Variants in SERPINB8 observed in about 807,000 individuals in gnomAD.
SERPINB8 encodes serpin B8.
In SERPINB8, 25 loss-of-function variants were observed where a neutral mutation model predicts 35.3. The ratio of observed to expected loss-of-function variants is 0.71; its 90% CI spans 0.52 to 0.99. The LOEUF (loss-of-function observed/expected upper bound fraction) is 0.99, where lower values mean the gene tolerates loss of function less well. Among genes scored for constraint, SERPINB8 ranks in the 50% least tolerant of loss-of-function variants. SERPINB8 has a pLI of 0.00. For missense variants in SERPINB8, 484 were observed against 446.5 expected (o/e 1.08, Z -0.76); for synonymous variants, 186 against 160.8 (o/e 1.16, Z -1.19).
downstream of SERPINB8, among the ~76,000 whole-genome samples, chr18:63,989,956 A>C (rs1288098740): frequency 3.4e-5 from 5 of 149,216 alleles, no homozygotes; most frequent in Non-Finnish European, 5.9e-5. Flanking sequence ...AAAAAAAAAA[A>C]AAAAAAAAAA....
rs190240548 is a variant in SERPINB8 at position 63,995,611 on chromosome 18, G to A, written c.71-9208G>A. ...CCCTCAATCCCTGATGGAAATTGCT[G>A]CACTTAGGGTCATCTTAGTGGGACA... is the stretch of plus-strand genomic sequence containing the variant. On this transcript the variant is annotated intron_variant, in intron 1 of 1. Transcript: ENST00000493661. 2.4e-4 allele frequency among the ~76,000 whole-genome samples: 37 copies of A among 152,286 alleles called. 1 individual carries two copies. In the East Asian group the frequency reaches 5.0e-3, roughly 21 times the overall value.
At chr18:63,993,558 A>G (rs1568281966), downstream of SERPINB8, among the ~76,000 whole-genome samples, 2 of 152,188 alleles carry the variant, frequency 1.3e-5, no homozygotes, top group Non-Finnish European at 2.9e-5. Flanking sequence ...GTAAATGTGA[A>G]TTCCATGAAG....
chr18:64,010,830 G>A (rs2050922631), intron 7 of SERPINB8, among the ~76,000 whole-genome samples: 3 of 151,910 alleles, frequency 2.0e-5, no homozygotes, highest in Admixed American at 2.0e-4. Context: ...TATTAAATCT[G>A]GGGGAAGGAA....
chr18:64,007,792 T>G (rs1417451558), downstream of SERPINB8, among the ~76,000 whole-genome samples: 1 of 152,096 alleles, frequency 6.6e-6, no homozygotes, highest in South Asian at 2.1e-4. Flanking sequence ...AATCTGTCCT[T>G]GTGATCCAAT....
At chr18:63,974,599 C>G (rs2050551445) in intron 1 of SERPINB8, among the ~76,000 whole-genome samples, 1 of 152,184 alleles carries the variant, frequency 6.6e-6, no homozygotes, top group Non-Finnish European at 1.5e-5. Flanking sequence ...ATAAAAACTT[C>G]TGATTCCTGT....
intron 1 of SERPINB8, among the ~76,000 whole-genome samples, chr18:63,995,762 T>A (rs1487529992): frequency 1.3e-5 from 2 of 152,256 alleles, no homozygotes; most frequent in African/African-American, 2.4e-5. Context: ...ATCTAGGTCC[T>A]TCTGTTCACT....
At chr18:63,976,041 G>A (rs889466625) in intron 1 of SERPINB8, among the ~76,000 whole-genome samples, 5 of 152,174 alleles carry the variant, frequency 3.3e-5, no homozygotes, top group Non-Finnish European at 7.3e-5. Flanking sequence ...TCTCTAGATA[G>A]AGTTTCCAGG....
At chr18:63,976,006 A>G (rs549594938) in intron 1 of SERPINB8, among the ~76,000 whole-genome samples, 1 of 152,338 alleles carries the variant, frequency 6.6e-6, no homozygotes, top group South Asian at 2.1e-4. Context: ...GTTTATAGAA[A>G]TGAACACATG....
At position 63,988,855 on chromosome 18, in the gene SERPINB8, A is replaced by G. The variant is rs533697650; in HGVS notation, c.*1577A>G. On this transcript the variant is annotated 3_prime_UTR_variant, in exon 7 of 7. Coordinates refer to ENST00000397985, the MANE Select transcript of SERPINB8 (RefSeq NM_002640.4). Reference sequence around the variant, plus strand: ...ATCTGTGAGTTTTGTTCTCACTTCCACCTCTAATTTGAAGAACACTTTAAT... The same window carrying G: ...ATCTGTGAGTTTTGTTCTCACTTCCGCCTCTAATTTGAAGAACACTTTAAT... 13 of 152,210 alleles carry G rather than the reference A, an allele frequency of 8.5e-5. No individual in the cohort carries two copies. Among genetic ancestry groups the G allele is most frequent in the Admixed American group, 3.3e-4 (5 of 15,300 alleles). 9.4% of individuals were successfully genotyped at this position (152,210 alleles called of 1,614,324 possible). A position where few individuals can be genotyped will look rare whatever the true frequency, so the allele number is the denominator to read the frequency against.
intron 1 of SERPINB8, among the ~76,000 whole-genome samples, chr18:64,002,141 C>G (rs987771887): frequency 6.6e-6 from 1 of 152,150 alleles, no homozygotes; most frequent in Non-Finnish European, 1.5e-5. Flanking sequence ...CCCAGCCACT[C>G]TGTGTCTGAG....
intron 1 of SERPINB8, among the ~76,000 whole-genome samples, chr18:64,001,862 T>C (rs997510547): frequency 2.6e-5 from 4 of 152,182 alleles, no homozygotes; most frequent in Non-Finnish European, 5.9e-5. Context: ...AATGCACGGA[T>C]TCTGGCTACT....
Position 63,978,481 on chromosome 18 carries a change from G to A in SERPINB8, c.168+5G>A. The A allele has an allele frequency of 6.2e-7, 1 of 1,613,874 alleles. No individual in the cohort carries two copies. Among genetic ancestry groups the A allele is most frequent in the Non-Finnish European group, 8.5e-7 (1 of 1,179,806 alleles). ...ACTGCAGCCCAGATGTCCCAGGTAT[G>A]TGTGCTTGTCACAAAGGAAGGAGAA... On this transcript the variant is annotated splice_donor_5th_base_variant and intron_variant, in intron 2 of 6. Coordinates refer to ENST00000397985, the MANE Select transcript of SERPINB8 (RefSeq NM_002640.4).
intron 1 of SERPINB8, among the ~76,000 whole-genome samples, chr18:63,974,301 C>T (rs2050545477): frequency 6.6e-6 from 1 of 152,094 alleles, no homozygotes; most frequent in African/African-American, 2.4e-5. Context: ...ATTTATTTTT[C>T]ATTTTCTCCT....
At chr18:64,007,153 A>T (rs1257046766), downstream of SERPINB8, among the ~76,000 whole-genome samples, 2 of 152,098 alleles carry the variant, frequency 1.3e-5, no homozygotes, top group Non-Finnish European at 2.9e-5. Context: ...ATAATTATAG[A>T]TGCAGCAGAG....
intron 1 of SERPINB8, among the ~76,000 whole-genome samples, chr18:63,999,599 G>C (rs569551788): frequency 6.6e-6 from 1 of 152,098 alleles, no homozygotes; most frequent in Non-Finnish European, 1.5e-5. Context: ...AGGACTTCTA[G>C]GGGGTTGAAC....
Position 63,988,338 on chromosome 18 carries a change from T to A in SERPINB8, c.*1060T>A, listed in dbSNP as rs555332487. 1 of 152,366 alleles carries A rather than the reference T, an allele frequency of 6.6e-6. No homozygotes were observed. Among genetic ancestry groups the A allele is most frequent in the Admixed American group, 6.5e-5 (1 of 15,306 alleles). 9.4% of individuals were successfully genotyped at this position (152,366 alleles called of 1,614,324 possible). On this transcript the variant is annotated 3_prime_UTR_variant, in exon 7 of 7. Transcript: ENST00000397985. ...TTGATGTGCATAGTATTCCACTGTG[T>A]GGCTGGATTTCTATAATTGAATCTA...
At chr18:63,996,887 A>C (rs2050852152) in intron 1 of SERPINB8, among the ~76,000 whole-genome samples, 1 of 152,228 alleles carries the variant, frequency 6.6e-6, no homozygotes, top group Non-Finnish European at 1.5e-5. Context: ...TGTTACTGTC[A>C]CATTTCCCTT....
intron 1 of SERPINB8, among the ~76,000 whole-genome samples, chr18:63,970,891 T>G (rs1422199926): frequency 6.6e-6 from 1 of 152,118 alleles, no homozygotes; most frequent in Non-Finnish European, 1.5e-5. Flanking sequence ...GGGGTGCTTC[T>G]TCACCTACGC....
At chr18:63,982,363 T>C (rs1292108081) in intron 4 of SERPINB8, among the ~76,000 whole-genome samples, 2 of 152,172 alleles carry the variant, frequency 1.3e-5, no homozygotes, top group Non-Finnish European at 2.9e-5. Flanking sequence ...CCTGCAGTGT[T>C]CCCTGCCCAG....
Sources: gnomAD v4.1 joint callset for allele counts (sites outside exome capture counted in the v4.1 genomes callset) on GRCh38, gnomAD v4.1.1 for gene constraint, MANE v1.5 for transcripts, NCBI Gene and HGNC (gene_info 2026-07-23, HGNC 2026-07-21) for gene names.